Variants in INSR observed in about 807,000 individuals in gnomAD.
INSR encodes insulin receptor.
INSR carries 67 observed loss-of-function variants against 142.6 expected under a neutral mutation model. The ratio of observed to expected loss-of-function variants is 0.47; its 90% CI spans 0.39 to 0.58. INSR has a LOEUF of 0.58. INSR is among the 20% of genes least tolerant of loss of function. The probability of loss-of-function intolerance (pLI) is 0.00; values close to 1 mark genes in which losing one functional copy is unlikely to be tolerated. For synonymous variants in INSR, 756 were observed against 743.1 expected (o/e 1.02, Z -0.28); for missense variants, 1,248 against 1,833.2 (o/e 0.68, Z 5.83).
At chr19:7,202,622 C>A (rs1364928087) in intron 2 of INSR, among the ~76,000 whole-genome samples, 1 of 122,036 alleles carries the variant, frequency 8.2e-6, no homozygotes, top group Non-Finnish European at 1.7e-5. Context: ...GCCTCAGCCT[C>A]CCAAGTAGCT....
chr19:7,120,848 T>C, intron 19 of INSR, 99 bp from the exon 20 acceptor site: 1 of 1,495,072 alleles, frequency 6.7e-7, no homozygotes, highest in Non-Finnish European at 9.2e-7. Context: ...TAAGAGGGGT[T>C]CACCTGGCCC....
intron 14 of INSR, among the ~76,000 whole-genome samples, chr19:7,129,614 C>T (rs1184347060): frequency 1.3e-5 from 2 of 152,236 alleles, no homozygotes; most frequent in Admixed American, 6.5e-5. Context: ...CGTGAGCCAA[C>T]GTGCCCGGCC....
At chr19:7,164,262 C>T (rs1388976798) in intron 8 of INSR, among the ~76,000 whole-genome samples, 2 of 152,170 alleles carry the variant, frequency 1.3e-5, no homozygotes, top group African/African-American at 4.8e-5. Flanking sequence ...CACGAAATGC[C>T]AGTGGTTTCA....
intron 2 of INSR, among the ~76,000 whole-genome samples, chr19:7,200,836 G>A (rs981641578): frequency 1.4e-5 from 2 of 142,222 alleles, no homozygotes; most frequent in African/African-American, 2.8e-5. Context: ...CTCCAGCCTG[G>A]GTAACAGAGT....
At chr19:7,274,285 T>A (rs1271201514) in intron 1 of INSR, among the ~76,000 whole-genome samples, 2 of 151,974 alleles carry the variant, frequency 1.3e-5, no homozygotes. Flanking sequence ...CTGCCATTGT[T>A]CTGACACGAG....
At chr19:7,244,349 A>G (rs1336711653) in intron 2 of INSR, among the ~76,000 whole-genome samples, 2 of 152,120 alleles carry the variant, frequency 1.3e-5, no homozygotes, top group African/African-American at 2.4e-5. Flanking sequence ...CCTGGCCAAC[A>G]TGGTGAAACC....
rs144708742 is a variant in INSR at position 7,241,981 on chromosome 19, G to A, written c.652+25364C>T. Among the ~76,000 whole-genome samples, 1,017 of 152,056 alleles carry A rather than the reference G, an allele frequency of 6.7e-3. 6 individuals are homozygous for A. The highest frequency in any genetic ancestry group is 0.011 in the Non-Finnish European group (768 of 67,966). On this transcript the variant is annotated intron_variant, in intron 2 of 21. Transcript: ENST00000302850. Reference sequence around the variant, plus strand: ...GGACTGGCCAACATGGTGAAACCCCGTCTCTACTAAAAGTACAAAAATTAG... The same window carrying A: ...GGACTGGCCAACATGGTGAAACCCCATCTCTACTAAAAGTACAAAAATTAG...
At chr19:7,251,381 C>T (rs767056867) in intron 2 of INSR, among the ~76,000 whole-genome samples, 2 of 151,964 alleles carry the variant, frequency 1.3e-5, no homozygotes, top group Non-Finnish European at 2.9e-5. Flanking sequence ...CTCAGCCTCC[C>T]GAGTAGCTGG....
At chr19:7,171,207 C>T (rs1424872687) in intron 5 of INSR, among the ~76,000 whole-genome samples, 1 of 144,196 alleles carries the variant, frequency 6.9e-6, no homozygotes, top group African/African-American at 2.8e-5. Context: ...GAGAAAGGAG[C>T]CATTGAAGGT....
intron 21 of INSR, among the ~76,000 whole-genome samples, chr19:7,118,815 T>A (rs538083013): frequency 2.1e-4 from 30 of 145,120 alleles, no homozygotes; most frequent in African/African-American, 7.2e-4. Flanking sequence ...CTCGGGAGGC[T>A]GAGGCAAGAG....
chr19:7,168,016 G>A lies in INSR; in HGVS notation c.1562C>T (p.Pro521Leu), dbSNP rs761607332. ...KILLRWEPYW[P>L]PDFRDLLGFM... ...CCCCAAGAGGTCTCGGAAGTCGGGG[G>A]GCCAGTACGGCTCCCATCTCAGCAA... The change falls in exon 7 of 22, where the codon CCC becomes CTC. Residue 521 changes from proline (P) to leucine (L), a missense_variant. This residue lies in a region of INSR where 1,069 missense variants were observed against 1,654.0 expected (regional missense o/e 0.65). Transcript: ENST00000302850. This position sits in a 1 kb window ranked among gnomAD's most constrained non-coding sequence, Gnocchi z 4.3. 6.2e-7 allele frequency: 1 copy of A among 1,613,810 alleles called. No homozygotes were observed. Among genetic ancestry groups the A allele is most frequent in the African/African-American group, 1.3e-5 (1 of 74,852 alleles).
chr19:7,147,557 G>A (rs746734362), intron 11 of INSR, among the ~76,000 whole-genome samples: 40 of 151,980 alleles, frequency 2.6e-4, no homozygotes, highest in African/African-American at 7.0e-4. Flanking sequence ...CTATTGCAGC[G>A]TCATCAGAAA....
chr19:7,255,805 C>A (rs1976871386), intron 2 of INSR, among the ~76,000 whole-genome samples: 1 of 151,942 alleles, frequency 6.6e-6, no homozygotes. Flanking sequence ...AGCTCGAATT[C>A]TAGGTTCAAG....
intron 5 of INSR, among the ~76,000 whole-genome samples, chr19:7,171,104 G>T (rs1974006710): frequency 6.6e-6 from 1 of 152,138 alleles, no homozygotes; most frequent in South Asian, 2.1e-4. Flanking sequence ...TGGCCAATAG[G>T]TGACAGGAAA....
intron 21 of INSR, among the ~76,000 whole-genome samples, chr19:7,118,523 G>A (rs1331797594): frequency 1.1e-4 from 17 of 151,760 alleles, no homozygotes; most frequent in Admixed American, 1.1e-3. Context: ...TCACCATGTT[G>A]GCCAGGCTGG....
intron 1 of INSR, among the ~76,000 whole-genome samples, chr19:7,270,550 A>T (rs1967891298): frequency 6.6e-6 from 1 of 152,020 alleles, no homozygotes; most frequent in Admixed American, 6.6e-5. Context: ...CCAGGAGTTT[A>T]AAGTCAGCCT....
At position 7,195,199 on chromosome 19, in the gene INSR, C is replaced by T. The variant is rs143307197; in HGVS notation, c.653-10562G>A. 4.7e-4 allele frequency among the ~76,000 whole-genome samples: 72 copies of T among 152,310 alleles called. No homozygotes were observed. In the East Asian group the frequency reaches 0.014, roughly 29 times the overall value. On this transcript the variant is annotated intron_variant, in intron 2 of 21. Transcript: ENST00000302850. ...TTCTAGTTAAAAATACTTCAAGTAA[C>T]ATTGCCCACAATAGTGGGACAAGGC...
At chr19:7,180,371 AT>A (rs1427945998) in intron 3 of INSR, among the ~76,000 whole-genome samples, 6 of 150,982 alleles carry the variant, frequency 4.0e-5, no homozygotes, top group South Asian at 2.1e-4. Context: ...ACACTACAGA[AT>A]TTTTTTTTAG....
At chr19:7,152,482 G>T in intron 10 of INSR, 1 of 560,990 alleles carries the variant, frequency 1.8e-6, no homozygotes, top group Non-Finnish European at 3.2e-6. Context: ...AGGTAAGAAA[G>T]GCAAATGCTG....
Sources: allele counts gnomAD v4.1 joint callset (sites outside exome capture counted in the v4.1 genomes callset), GRCh38; gene constraint gnomAD v4.1.1; regional missense constraint gnomAD v4.1.1; non-coding constraint Gnocchi (gnomAD v3.1); transcripts MANE v1.5; gene names NCBI Gene and HGNC (gene_info 2026-07-23, HGNC 2026-07-21).